KIF13A: variants seen among roughly 807,000 people sequenced by gnomAD.
The protein encoded by KIF13A is kinesin family member 13A.
Under a neutral mutation model 212.2 loss-of-function variants are expected in KIF13A, and 79 were observed. That is an observed-to-expected ratio of 0.37 (90% CI 0.31 to 0.45). The LOEUF (loss-of-function observed/expected upper bound fraction) is 0.45. Ranked by LOEUF, KIF13A falls within the 20% of genes least tolerant of loss-of-function variation. The pLI, the probability that KIF13A is intolerant of heterozygous loss-of-function variation, is 1.00. For missense variants in KIF13A, 1,901 were observed against 2,209.0 expected (o/e 0.86, Z 2.79); for synonymous variants, 789 against 808.6 (o/e 0.98, Z 0.41).
At chr6:17,964,652 G>A (rs921979722) in intron 2 of KIF13A, among the ~76,000 whole-genome samples, 2 of 152,104 alleles carry the variant, frequency 1.3e-5, no homozygotes, top group Admixed American at 6.5e-5. Flanking sequence ...CGAAGAGAAA[G>A]ACAGAAGTTT....
At chr6:17,853,921 AT>A (rs1767903877) in intron 6 of KIF13A, among the ~76,000 whole-genome samples, 1 of 140,554 alleles carries the variant, frequency 7.1e-6, no homozygotes, top group Non-Finnish European at 1.6e-5. Flanking sequence ...TATTTATTTA[AT>A]TTTAGCTAGA....
chr6:17,969,646 G>A (rs1482512121), intron 2 of KIF13A, among the ~76,000 whole-genome samples: 1 of 152,140 alleles, frequency 6.6e-6, no homozygotes, highest in African/African-American at 2.4e-5. Context: ...TGGAGAGGAT[G>A]AACTTGAGGG....
At chr6:17,791,777 G>A (rs1230174469) in intron 25 of KIF13A, among the ~76,000 whole-genome samples, 14 of 151,304 alleles carry the variant, frequency 9.3e-5, no homozygotes, top group African/African-American at 3.4e-4. Context: ...GTGCGGGCCT[G>A]TAATCCCAGC....
chr6:17,878,729 C>T (rs1770795350), intron 3 of KIF13A, among the ~76,000 whole-genome samples: 1 of 152,186 alleles, frequency 6.6e-6, no homozygotes, highest in Non-Finnish European at 1.5e-5. Flanking sequence ...TCTGTGAAAA[C>T]TTCTAACAAT....
rs2150354750 is a variant in KIF13A at position 17,816,940 on chromosome 6, G to A, written c.2000+80C>T. 1 of 1,124,872 alleles carries A rather than the reference G, an allele frequency of 8.9e-7. No individual in the cohort carries two copies. 69.7% of individuals were successfully genotyped at this position (1,124,872 alleles called of 1,614,324 possible). On this transcript the variant is annotated intron_variant, in intron 17 of 38. Coordinates refer to ENST00000259711, the MANE Select transcript of KIF13A (RefSeq NM_022113.6). The surrounding 1 kb of genome is among the most constrained non-coding windows in gnomAD (Gnocchi z 4.3). ...TTCTCTTGTTGCTAGGTTTGTCCCT[G>A]ACATGTCTCAAAAACCCCTCCCTCA...
In KIF13A at chr6:17,984,142, A is replaced by T. The variant is rs569989267; in HGVS notation, c.146+2912T>A. On this transcript the variant is annotated intron_variant, in intron 2 of 38. Coordinates refer to ENST00000259711, the MANE Select transcript of KIF13A (RefSeq NM_022113.6). This position sits in a 1 kb window ranked among gnomAD's most constrained non-coding sequence, Gnocchi z 5.0. ...GCCTCCAGGGAGAGAAAGAGGAAAC[A>T]GAGAATTTTGAAATTATGTGGTTCA... Among the ~76,000 whole-genome samples, 5 of 152,344 alleles carry T rather than the reference A, an allele frequency of 3.3e-5. No individual in the cohort carries two copies. The highest frequency in any genetic ancestry group is 7.3e-5 in the Non-Finnish European group (5 of 68,042).
At chr6:17,844,008 G>A (rs1208476020) in intron 9 of KIF13A, among the ~76,000 whole-genome samples, 2 of 148,674 alleles carry the variant, frequency 1.3e-5, no homozygotes, top group Non-Finnish European at 3.0e-5. Context: ...TCGTGCCACT[G>A]TACTCCAGCC....
intron 2 of KIF13A, among the ~76,000 whole-genome samples, chr6:17,957,325 T>C (rs980338362): frequency 6.6e-6 from 1 of 152,202 alleles, no homozygotes; most frequent in South Asian, 2.1e-4. Flanking sequence ...CTCGTTCACA[T>C]GCTGGGAGGG....
At position 17,787,837 on chromosome 6, in the gene KIF13A, A is replaced by C. The variant is rs1221703921; in HGVS notation, c.3300T>G (p.Asp1100Glu). The part of the protein sequence containing the change: ...DLNCVRERWS[D>E]ALIKRREYLD... The stretch of plus-strand genomic sequence containing the variant: ...GGTATTCTCGTCGTTTAATGAGTGC[A>C]TCTGACCACCTCTCCCTTACGCAGT... The change falls in exon 27 of 39, where the codon GAT becomes GAG. Residue 1100 changes from aspartate (D) to glutamate (E), a missense_variant. Asp to Glu is a conservative substitution (Grantham distance 45). Coordinates refer to ENST00000259711, the MANE Select transcript of KIF13A (RefSeq NM_022113.6). This position sits in a 1 kb window ranked among gnomAD's most constrained non-coding sequence, Gnocchi z 4.6. 1 of 1,613,372 alleles carries C rather than the reference A, an allele frequency of 6.2e-7. No individual in the cohort carries two copies.
At chr6:17,916,766 T>C (rs1174371670) in intron 2 of KIF13A, among the ~76,000 whole-genome samples, 1 of 152,090 alleles carries the variant, frequency 6.6e-6, no homozygotes, top group Non-Finnish European at 1.5e-5. Context: ...GTTAAGAAAT[T>C]TATTTAGTTT....
At position 17,888,691 on chromosome 6, in the gene KIF13A, G is replaced by A. The variant is rs954240694; in HGVS notation, c.159+9477C>T. On this transcript the variant is annotated intron_variant, in intron 3 of 38. Coordinates refer to ENST00000259711, the MANE Select transcript of KIF13A (RefSeq NM_022113.6). This position sits in a 1 kb window ranked among gnomAD's most constrained non-coding sequence, Gnocchi z 4.8. ...AATACAAAAATTAGCTGGGCGTGGT[G>A]GCACAGGCCTGTAGTCCCACCTACT... 6.6e-6 allele frequency among the ~76,000 whole-genome samples: 1 copy of A among 152,046 alleles called. No individual in the cohort carries two copies. Among genetic ancestry groups the A allele is most frequent in the African/African-American group, 2.4e-5 (1 of 41,380 alleles).
Position 17,826,165 on chromosome 6 carries a change from A to G in KIF13A, c.1533-41T>C, listed in dbSNP as rs778428118. 2.7e-6 allele frequency: 4 copies of G among 1,490,848 alleles called. No individual in the cohort carries two copies. Among genetic ancestry groups the G allele is most frequent in the Admixed American group, 3.4e-5 (2 of 58,842 alleles). 92.4% of individuals were successfully genotyped at this position (1,490,848 alleles called of 1,614,324 possible). Reference sequence around the variant, plus strand: ...GGAAAATACCAGGTAAATGGGAAGGAGCACAAGACCTTGTCCTGGTAGCCA... The same window carrying G: ...GGAAAATACCAGGTAAATGGGAAGGGGCACAAGACCTTGTCCTGGTAGCCA... On this transcript the variant is annotated intron_variant, in intron 14 of 38. Coordinates refer to ENST00000259711, the MANE Select transcript of KIF13A (RefSeq NM_022113.6). This position sits in a 1 kb window ranked among gnomAD's most constrained non-coding sequence, Gnocchi z 4.7.
chr6:17,932,706 G>A (rs575331025), intron 2 of KIF13A, among the ~76,000 whole-genome samples: 71 of 151,984 alleles, frequency 4.7e-4, no homozygotes, highest in African/African-American at 1.6e-3. Flanking sequence ...TTCCAGAAAC[G>A]CTATGCAAGC....
At chr6:17,929,698 C>T (rs1303566367) in intron 2 of KIF13A, among the ~76,000 whole-genome samples, 1 of 152,144 alleles carries the variant, frequency 6.6e-6, no homozygotes, top group Non-Finnish European at 1.5e-5. Flanking sequence ...CCGCGCCCGG[C>T]CGCACTCTCA....
chr6:17,882,777 G>A (rs1200326851), intron 3 of KIF13A, among the ~76,000 whole-genome samples: 3 of 152,096 alleles, frequency 2.0e-5, no homozygotes, highest in Non-Finnish European at 2.9e-5. Context: ...GGCCATGCTG[G>A]TCTTGAACTT....
chr6:17,913,871 T>C (rs886251730), intron 2 of KIF13A, among the ~76,000 whole-genome samples: 1 of 152,140 alleles, frequency 6.6e-6, no homozygotes, highest in Non-Finnish European at 1.5e-5. Flanking sequence ...CTGGATGGAA[T>C]CTGGAAACAC....
In KIF13A at chr6:17,985,085, T is replaced by C. The variant is rs143105064; in HGVS notation, c.146+1969A>G. ...ATCCTAATGTACAAGGAGCACTGTTTTGTTGACTACTCAGTTTGTCTGTAA... is the reference window on the plus strand; with the variant it reads ...ATCCTAATGTACAAGGAGCACTGTTCTGTTGACTACTCAGTTTGTCTGTAA... On this transcript the variant is annotated intron_variant, in intron 2 of 38. Coordinates refer to ENST00000259711, the MANE Select transcript of KIF13A (RefSeq NM_022113.6). 1.9e-4 allele frequency among the ~76,000 whole-genome samples: 29 copies of C among 152,364 alleles called. No individual in the cohort carries two copies. In the East Asian group the frequency reaches 4.0e-3, roughly 21 times the overall value.
At position 17,951,305 on chromosome 6, in the gene KIF13A, A is replaced by T. The variant is rs1027346354; in HGVS notation, c.146+35749T>A. 1.7e-5 allele frequency: 10 copies of T among 604,114 alleles called. No homozygotes were observed. Among genetic ancestry groups the T allele is most frequent in the African/African-American group, 1.5e-4 (8 of 52,584 alleles). The allele number at this position is 604,114 out of a possible 1,614,324, so 37.4% of individuals were successfully genotyped here. ...ACCACGTCCAGCTAATTTTAAACAA[A>T]TTTTTTGTAGAGATGGGGTTTTGCC... On this transcript the variant is annotated intron_variant, in intron 2 of 38. Coordinates refer to ENST00000259711, the MANE Select transcript of KIF13A (RefSeq NM_022113.6). This position sits in a 1 kb window ranked among gnomAD's most constrained non-coding sequence, Gnocchi z 4.9.
At chr6:17,807,929 C>T (rs745628373) in intron 18 of KIF13A, among the ~76,000 whole-genome samples, 17 of 152,168 alleles carry the variant, frequency 1.1e-4, no homozygotes, top group Non-Finnish European at 2.4e-4. Flanking sequence ...TAAACAACAA[C>T]AGCAACAAAA....
Sources: allele counts gnomAD v4.1 joint callset (sites outside exome capture counted in the v4.1 genomes callset), GRCh38; gene constraint gnomAD v4.1.1; non-coding constraint Gnocchi (gnomAD v3.1); transcripts MANE v1.5; gene names NCBI Gene and HGNC (gene_info 2026-07-23, HGNC 2026-07-21).